Variants in NAV3 observed in about 807,000 individuals in gnomAD.
NAV3 encodes pore membrane and/or filament interacting like protein 1.
A neutral mutation model predicts 244.7 loss-of-function variants in NAV3; 87 were observed. The observed-to-expected ratio is 0.36, with a 90% CI of 0.30 to 0.42. The LOEUF is 0.42. NAV3 is among the 20% of genes least tolerant of loss of function. NAV3 has a pLI of 1.00. For missense variants in NAV3, 2,663 were observed against 2,893.3 expected (o/e 0.92, Z 1.83); for synonymous variants, 1,126 against 1,042.2 (o/e 1.08, Z -1.55).
chr12:77,793,202 T>TA (rs1871260711), intron 2 of NAV3, among the ~76,000 whole-genome samples: 1 of 152,206 alleles, frequency 6.6e-6, no homozygotes, highest in South Asian at 2.1e-4. Flanking sequence ...AGTATAGTTA[T>TA]AAAAAATTGG....
intron 1 of NAV3, among the ~76,000 whole-genome samples, chr12:77,851,335 C>G (rs546679467): frequency 1.3e-5 from 2 of 152,234 alleles, no homozygotes; most frequent in East Asian, 3.9e-4. Flanking sequence ...CTATTTGAAC[C>G]TTTATTTACC....
chr12:77,580,060 C>T (rs1307624889), intron 2 of NAV3, among the ~76,000 whole-genome samples: 1 of 152,084 alleles, frequency 6.6e-6, no homozygotes, highest in East Asian at 1.9e-4. Context: ...ACTATGGGGC[C>T]CCAGCAGTGC....
At chr12:77,940,519 C>T in intron 2 of NAV3, 83 bp downstream of exon 2, 1 of 960,756 alleles carries the variant, frequency 1.0e-6, no homozygotes. Flanking sequence ...AAGCGCCTTA[C>T]TGAACTGGTC....
intron 2 of NAV3, among the ~76,000 whole-genome samples, chr12:77,667,876 C>A (rs1350520481): frequency 6.6e-6 from 1 of 152,124 alleles, no homozygotes; most frequent in African/African-American, 2.4e-5. Context: ...GAAATACAAC[C>A]AAGACTCACA....
chr12:77,912,057 G>A (rs1048843487), intron 1 of NAV3, among the ~76,000 whole-genome samples: 1 of 152,066 alleles, frequency 6.6e-6, no homozygotes, highest in Non-Finnish European at 1.5e-5. Context: ...TTTATGGCAA[G>A]CATTCCTTGA....
chr12:78,188,893 G>A lies in NAV3; in HGVS notation c.6055+116G>A. ...AATTTTTCTATTTGAAAACTCTGTA[G>A]TATTTTAAAAATCAATATGACTCAT... On this transcript the variant is annotated intron_variant, in intron 33 of 39. Coordinates refer to ENST00000397909, the MANE Select transcript of NAV3 (RefSeq NM_001024383.2). The A allele has an allele frequency of 4.6e-6, 4 of 875,392 alleles. No homozygotes were observed. The South Asian group carries it at 7.8e-5, about 17-fold the overall frequency. The allele number at this position is 875,392 out of a possible 1,614,324, so 54.2% of individuals were successfully genotyped here. A position where few individuals can be genotyped will look rare whatever the true frequency, so the allele number is the denominator to read the frequency against.
At chr12:77,828,370 A>G (rs140554482), upstream of NAV3, among the ~76,000 whole-genome samples, 264 of 152,260 alleles carry the variant, frequency 1.7e-3, 2 homozygotes, top group African/African-American at 6.1e-3. Flanking sequence ...TGTTATTTAT[A>G]AATTACCCAG....
At chr12:77,834,251 T>G (rs1374181798) in intron 1 of NAV3, among the ~76,000 whole-genome samples, 1 of 152,176 alleles carries the variant, frequency 6.6e-6, no homozygotes, top group Non-Finnish European at 1.5e-5. Flanking sequence ...CCTGCCCCCT[T>G]CCTGTATCAA....
intron 34 of NAV3, among the ~76,000 whole-genome samples, chr12:78,193,610 T>A (rs115301368): frequency 0.017 from 2,515 of 152,252 alleles, 78 homozygotes; most frequent in African/African-American, 0.058. Context: ...TTAATGCCGG[T>A]GCATCAGTGC....
At chr12:78,167,226 A>G (rs1402927181) in intron 23 of NAV3, among the ~76,000 whole-genome samples, 2 of 151,842 alleles carry the variant, frequency 1.3e-5, no homozygotes, top group African/African-American at 2.4e-5. Context: ...TTGTCATGAC[A>G]CTGGAAATTT....
At chr12:77,653,630 G>A (rs926616123) in intron 2 of NAV3, among the ~76,000 whole-genome samples, 37 of 152,148 alleles carry the variant, frequency 2.4e-4, no homozygotes, top group African/African-American at 7.9e-4. Flanking sequence ...ACAAAGTATT[G>A]GATCATTTTC....
intron 2 of NAV3, among the ~76,000 whole-genome samples, chr12:77,689,451 A>G (rs945505441): frequency 2.0e-5 from 3 of 151,896 alleles, no homozygotes; most frequent in African/African-American, 2.4e-5. Context: ...ATTAAAACCA[A>G]TGCAAGAGAA....
intron 1 of NAV3, among the ~76,000 whole-genome samples, chr12:77,861,881 G>A (rs534862021): frequency 6.6e-5 from 10 of 151,784 alleles, no homozygotes; most frequent in South Asian, 2.1e-4. Flanking sequence ...TCCCTACTCC[G>A]CAATGCTAAA....
intron 1 of NAV3, among the ~76,000 whole-genome samples, chr12:77,854,479 G>T (rs1878042699): frequency 6.6e-6 from 1 of 152,070 alleles, no homozygotes. Context: ...TGTTTTCCGA[G>T]AACATTTTAT....
intron 1 of NAV3, among the ~76,000 whole-genome samples, chr12:77,873,538 G>A (rs972121568): frequency 2.7e-5 from 4 of 150,722 alleles, no homozygotes; most frequent in African/African-American, 9.7e-5. Context: ...TAGCATTTCT[G>A]TTATATGTAA....
intron 1 of NAV3, among the ~76,000 whole-genome samples, chr12:77,846,561 A>G (rs1192842181): frequency 6.6e-6 from 1 of 152,154 alleles, no homozygotes; most frequent in Non-Finnish European, 1.5e-5. Context: ...TATGAGTCCA[A>G]TTTCCTTGAT....
Position 77,956,240 on chromosome 12 carries a change from ATTAAT to A in NAV3, c.415-9980_415-9976del, listed in dbSNP as rs549151662. Among the ~76,000 whole-genome samples the A allele has an allele frequency of 2.5e-3, 377 of 152,306 alleles. 4 individuals are homozygous for A. The highest frequency in any genetic ancestry group is 7.6e-3 in the African/African-American group (318 of 41,582). ...TTATCTATTTTTTAATTGAAAATTT[ATTAAT>A]TTAATTTATGTAATGGCGCTAGTAT... On this transcript the variant is annotated intron_variant, in intron 3 of 39. Transcript: ENST00000397909.
intron 2 of NAV3, among the ~76,000 whole-genome samples, chr12:77,630,756 C>A (rs922927368): frequency 1.3e-5 from 2 of 152,084 alleles, no homozygotes; most frequent in African/African-American, 4.8e-5. Context: ...AAAGACAAAT[C>A]TTTTATTGCT....
chr12:77,722,898 C>T (rs1876702265), intron 2 of NAV3, among the ~76,000 whole-genome samples: 1 of 151,966 alleles, frequency 6.6e-6, no homozygotes, highest in African/African-American at 2.4e-5. Context: ...TTTTCTTTTT[C>T]TTCATGCATA....
Sources: allele counts gnomAD v4.1 joint callset (sites outside exome capture counted in the v4.1 genomes callset), GRCh38; gene constraint gnomAD v4.1.1; transcripts MANE v1.5; gene names NCBI Gene and HGNC (gene_info 2026-07-23, HGNC 2026-07-21).